The following FARP2 variants were observed in gnomAD, a reference collection of about 807,000 sequenced individuals.
FARP2 encodes FERM, ARH/RhoGEF and pleckstrin domain protein 2.
Under a neutral mutation model 130.5 loss-of-function variants are expected in FARP2, and 111 were observed. The observed-to-expected ratio is 0.85, with a 90% CI of 0.73 to 1.00. The LOEUF is 1.00. Among genes scored for constraint, FARP2 ranks in the 50% least tolerant of loss-of-function variants. FARP2 has a pLI of 0.00. For synonymous variants in FARP2, 504 were observed against 516.9 expected (o/e 0.98, Z 0.34); for missense variants, 1,385 against 1,346.3 (o/e 1.03, Z -0.45).
At chr2:241,396,947 A>G (rs1299376918) in intron 2 of FARP2, among the ~76,000 whole-genome samples, 1 of 152,250 alleles carries the variant, frequency 6.6e-6, no homozygotes, top group Admixed American at 6.5e-5. Context: ...ATGTCCAACA[A>G]TGATAGACTG....
chr2:241,443,174 TG>T, intron 13 of FARP2: 6 of 200,702 alleles, frequency 3.0e-5, no homozygotes, highest in South Asian at 8.0e-5. Context: ...ACTGGGACTC[TG>T]GGGGGACAGT....
rs751315746 is a variant in FARP2 at position 241,492,966 on chromosome 2, AC to A, written c.2826del (p.Asn942LysfsTer39). 1.2e-5 allele frequency: 20 copies of A among 1,612,952 alleles called. No individual in the cohort carries two copies. The highest frequency in any genetic ancestry group is 4.5e-5 in the East Asian group (2 of 44,888). On this transcript the variant is annotated frameshift_variant, in exon 25 of 27. Coordinates refer to ENST00000264042, the MANE Select transcript of FARP2 (RefSeq NM_014808.4). LOFTEE classifies it high-confidence loss of function. ...LSGYLLRKFK[N>X]SHGWQKLWVV... Reference sequence around the variant, plus strand: ...GGATATCTGCTAAGAAAGTTCAAAAACAGTCATGGCTGGCAGAAGCTCTGGG... The same window carrying A: ...GGATATCTGCTAAGAAAGTTCAAAAAAGTCATGGCTGGCAGAAGCTCTGGG...
At chr2:241,359,503 C>G (rs1408961263) in intron 1 of FARP2, among the ~76,000 whole-genome samples, 2 of 152,156 alleles carry the variant, frequency 1.3e-5, no homozygotes, top group Admixed American at 6.5e-5. Context: ...GTGTCTCAGC[C>G]CAACTATACT....
chr2:241,385,125 G>C (rs144640831), intron 2 of FARP2, among the ~76,000 whole-genome samples: 6 of 152,068 alleles, frequency 3.9e-5, no homozygotes, highest in African/African-American at 1.4e-4. Context: ...ACAGGATTTC[G>C]TAATGAATCT....
rs1054864117 is a variant in FARP2, at chr2:241,456,727, C to T, written c.1412-20C>T. 6.2e-6 allele frequency: 10 copies of T among 1,613,650 alleles called. No individual in the cohort carries two copies. Among genetic ancestry groups the T allele is most frequent in the East Asian group, 2.2e-5 (1 of 44,878 alleles). On this transcript the variant is annotated intron_variant, in intron 13 of 26. Coordinates refer to ENST00000264042, the MANE Select transcript of FARP2 (RefSeq NM_014808.4). ...CCCTTTCTCATTTCTCGCTCCATCC[C>T]CCTCCCCGTTCATTTCCAGGCCTTT...
intron 2 of FARP2, among the ~76,000 whole-genome samples, chr2:241,402,754 C>G (rs2062202771): frequency 6.9e-6 from 1 of 144,588 alleles, no homozygotes; most frequent in Admixed American, 6.9e-5. Flanking sequence ...GCAACCTCTG[C>G]CTCCTGGGCT....
chr2:241,442,958 C>T (rs952520956), intron 13 of FARP2: 15 of 198,960 alleles, frequency 7.5e-5, no homozygotes, highest in Admixed American at 6.1e-4. Context: ...AACTAGGACA[C>T]AGGTTTTGTC....
At chr2:241,421,624 T>G (rs1170138190) in intron 8 of FARP2, among the ~76,000 whole-genome samples, 2 of 152,238 alleles carry the variant, frequency 1.3e-5, no homozygotes, top group Non-Finnish European at 2.9e-5. Flanking sequence ...GCCAGGCTGC[T>G]GCTTTAAGTG....
chr2:241,478,569 G>A, intron 19 of FARP2: 2 of 486,308 alleles, frequency 4.1e-6, no homozygotes, highest in East Asian at 1.1e-4. Context: ...TTAATGGACA[G>A]AGACCCCACC....
chr2:241,422,224 T>C (rs548735810), intron 8 of FARP2, among the ~76,000 whole-genome samples: 18 of 134,604 alleles, frequency 1.3e-4, no homozygotes, highest in Non-Finnish European at 1.9e-4. Context: ...AAGACCAGCC[T>C]GGCCAAGTGG....
intron 2 of FARP2, among the ~76,000 whole-genome samples, chr2:241,398,276 C>G (rs1574735025): frequency 1.3e-5 from 2 of 152,134 alleles, no homozygotes; most frequent in African/African-American, 2.4e-5. Context: ...CTCCCTGTGC[C>G]TGTCTCAGTT....
At position 241,402,858 on chromosome 2, in the gene FARP2, A is replaced by C. The variant is rs1299138805; in HGVS notation, c.184-970A>C. 4.5e-3 allele frequency among the ~76,000 whole-genome samples: 36 copies of C among 7,920 alleles called. 1 individual carries two copies. Among genetic ancestry groups the C allele is most frequent in the African/African-American group, 0.017 (33 of 1,952 alleles). The allele number at this position is 7,920 out of a possible 152,430, so 5.2% of individuals were successfully genotyped here. A position where few individuals can be genotyped will look rare whatever the true frequency, so the allele number is the denominator to read the frequency against. On this transcript the variant is annotated intron_variant, in intron 2 of 26. Coordinates refer to ENST00000264042, the MANE Select transcript of FARP2 (RefSeq NM_014808.4). ...AATTTATATATATATATATATATAT[A>C]TATATATATATATATATATATATTT...
intron 1 of FARP2, 52 bp downstream of exon 1, chr2:241,356,440 G>A (rs1005602403): frequency 6.6e-6 from 1 of 152,256 alleles, no homozygotes; most frequent in Non-Finnish European, 1.5e-5. Flanking sequence ...GCCTCTCCGG[G>A]TGGGCGGCGA....
At chr2:241,455,405 A>C (rs1283819004) in intron 13 of FARP2, among the ~76,000 whole-genome samples, 7 of 152,146 alleles carry the variant, frequency 4.6e-5, no homozygotes. Flanking sequence ...TTTGAGATGG[A>C]GTCTCACTCT....
At chr2:241,479,098 AT>A in intron 19 of FARP2, 2 of 461,592 alleles carry the variant, frequency 4.3e-6, no homozygotes, top group Non-Finnish European at 3.9e-6. Flanking sequence ...GCTTTTGATC[AT>A]TTTTCTAGAG....
chr2:241,416,154 G>A (rs1427483697), intron 7 of FARP2, among the ~76,000 whole-genome samples: 1 of 152,016 alleles, frequency 6.6e-6, no homozygotes, highest in Non-Finnish European at 1.5e-5. Flanking sequence ...GTGTTGATGT[G>A]TGTTCCTGTG....
intron 13 of FARP2, among the ~76,000 whole-genome samples, chr2:241,455,840 T>C (rs761089792): frequency 8.6e-5 from 12 of 139,142 alleles, no homozygotes; most frequent in African/African-American, 2.7e-4. Context: ...CCTGGGTTCA[T>C]GCCATTCTCC....
intron 16 of FARP2, 101 bp downstream of exon 16, chr2:241,463,569 T>G: frequency 7.3e-7 from 1 of 1,373,276 alleles, no homozygotes; most frequent in South Asian, 1.3e-5. Context: ...GAAGAGCCAT[T>G]TTTTCACTGG....
chr2:241,373,382 T>A, intron 2 of FARP2, 92 bp downstream of exon 2: 1 of 854,376 alleles, frequency 1.2e-6, no homozygotes, highest in Non-Finnish European at 1.6e-6. Flanking sequence ...AGACTTTGCA[T>A]ATTAAGTTGA....
Sources: gnomAD v4.1 joint callset for allele counts (sites outside exome capture counted in the v4.1 genomes callset) on GRCh38, gnomAD v4.1.1 for gene constraint, MANE v1.5 for transcripts, NCBI Gene and HGNC (gene_info 2026-07-23, HGNC 2026-07-21) for gene names.